TENT5D: variants seen among roughly 807,000 people sequenced by gnomAD.
TENT5D encodes cancer/testis antigen 112.
For missense variants in TENT5D, 191 were observed against 287.0 expected, an observed-to-expected ratio of 0.67 and a Z score of 2.42; for synonymous variants, 103 against 100.6, an observed-to-expected ratio of 1.02 and a Z score of -0.15.
chrX:80,403,285 AAATG>A (rs1338374995), intron 3 of TENT5D, among the ~76,000 whole-genome samples: 1 of 112,436 alleles, frequency 8.9e-6, no homozygotes, highest in Non-Finnish European at 1.9e-5. Flanking sequence ...AGGTTTAAAA[AAATG>A]AATCTTACAC....
intron 3 of TENT5D, among the ~76,000 whole-genome samples, chrX:80,369,914 A>ATTTATT (rs1304207976): frequency 1.8e-5 from 2 of 109,940 alleles, no homozygotes; most frequent in Non-Finnish European, 3.8e-5. Context: ...ATAAGCATTT[A>ATTTATT]TTTATTTTTA....
intron 3 of TENT5D, among the ~76,000 whole-genome samples, chrX:80,408,317 G>A (rs1433445981): frequency 9.2e-6 from 1 of 108,198 alleles, no homozygotes; most frequent in East Asian, 2.9e-4. Flanking sequence ...CCAGGAGCTG[G>A]TTTTTTGAAA....
intron 3 of TENT5D, among the ~76,000 whole-genome samples, chrX:80,343,686 C>T (rs1930005612): frequency 9.0e-6 from 1 of 111,405 alleles, no homozygotes; most frequent in Non-Finnish European, 1.9e-5. Flanking sequence ...AGGCATGAGC[C>T]ACCGCGCCTG....
At chrX:80,385,281 A>G (rs755849405) in intron 3 of TENT5D, among the ~76,000 whole-genome samples, 2 of 111,350 alleles carry the variant, frequency 1.8e-5, no homozygotes, top group South Asian at 7.6e-4. Flanking sequence ...ATCTACAACT[A>G]TCTGATCCTT....
At chrX:80,376,414 G>T (rs1289232275) in intron 3 of TENT5D, among the ~76,000 whole-genome samples, 1 of 110,585 alleles carries the variant, frequency 9.0e-6, no homozygotes, top group Non-Finnish European at 1.9e-5. Flanking sequence ...TTTTTCTTTA[G>T]CATGTTACTT....
intron 3 of TENT5D, among the ~76,000 whole-genome samples, chrX:80,359,056 C>T (rs1930349225): frequency 8.9e-6 from 1 of 112,117 alleles, no homozygotes; most frequent in African/African-American, 3.2e-5. Flanking sequence ...TGAAAAAAAG[C>T]TCATCATCAC....
upstream of TENT5D, among the ~76,000 whole-genome samples, chrX:80,419,881 C>A (rs1931850936): frequency 9.0e-6 from 1 of 110,904 alleles, no homozygotes; most frequent in Non-Finnish European, 1.9e-5. Flanking sequence ...GAGCTAATTT[C>A]TTTTTATATT....
At chrX:80,354,207 A>G (rs1277183619) in intron 3 of TENT5D, among the ~76,000 whole-genome samples, 1 of 111,470 alleles carries the variant, frequency 9.0e-6, no homozygotes, top group East Asian at 2.8e-4. Context: ...CTTGTATGGT[A>G]TCTCACAGGG....
At chrX:80,377,537 C>T (rs2147529391) in intron 3 of TENT5D, among the ~76,000 whole-genome samples, 1 of 111,623 alleles carries the variant, frequency 9.0e-6, no homozygotes, top group Non-Finnish European at 1.9e-5. Context: ...TTTCCAGCTT[C>T]ATCCATGTCC....
chrX:80,358,018 T>A (rs762848095), intron 3 of TENT5D, among the ~76,000 whole-genome samples: 12 of 111,188 alleles, frequency 1.1e-4, no homozygotes, highest in Non-Finnish European at 1.9e-5. Context: ...TCACATATCT[T>A]CAACTATCTG....
At chrX:80,415,138 T>C (rs1931743549) in intron 3 of TENT5D, among the ~76,000 whole-genome samples, 1 of 111,828 alleles carries the variant, frequency 8.9e-6, no homozygotes, top group African/African-American at 3.3e-5. Flanking sequence ...CATACATTAG[T>C]TTTGTATCCT....
At chrX:80,372,592 A>G (rs1039503032) in intron 3 of TENT5D, among the ~76,000 whole-genome samples, 4 of 110,959 alleles carry the variant, frequency 3.6e-5, no homozygotes, top group Non-Finnish European at 7.5e-5. Context: ...ATCTCATAAA[A>G]AGTATTAGGT....
intron 3 of TENT5D, among the ~76,000 whole-genome samples, chrX:80,392,912 A>C (rs1483161218): frequency 9.0e-6 from 1 of 111,367 alleles, no homozygotes; most frequent in African/African-American, 3.3e-5. Context: ...ACATGATAAA[A>C]ACTCTTATTT....
At chrX:80,388,930 C>A (rs1024428611) in intron 3 of TENT5D, among the ~76,000 whole-genome samples, 1 of 111,648 alleles carries the variant, frequency 9.0e-6, no homozygotes, top group Non-Finnish European at 1.9e-5. Flanking sequence ...CTAGGATGGA[C>A]AATTTCCATC....
Position 80,392,495 on chromosome X carries a change from C to CTTTTTTTTTTTTTT in TENT5D, c.-141-46096_-141-46083dup, listed in dbSNP as rs72029455. On this transcript the variant is annotated intron_variant, in intron 3 of 4. Transcript: ENST00000538312. ...TTTATAGCTTTATTCTCATTTTATT[C>CTTTTTTTTTTTTTT]TTTTTTTTTTTTTTTTTTTTTTTTT... Among the ~76,000 whole-genome samples, 10 of 24,303 alleles carry CTTTTTTTTTTTTTT rather than the reference C, an allele frequency of 4.1e-4. 3 individuals carry two copies. Among genetic ancestry groups the CTTTTTTTTTTTTTT allele is most frequent in the African/African-American group, 1.6e-3 (8 of 5,008 alleles). The allele number at this position is 24,303 out of a possible 115,157, so 21.1% of individuals were successfully genotyped here. A position where few individuals can be genotyped will look rare whatever the true frequency, so the allele number is the denominator to read the frequency against.
chrX:80,394,393 T>A (rs1476127975), intron 3 of TENT5D, among the ~76,000 whole-genome samples: 1 of 87,616 alleles, frequency 1.1e-5, no homozygotes, highest in Non-Finnish European at 2.2e-5. Context: ...GTCCTTTCCT[T>A]TTTTTTTTTT....
Position 80,354,985 on chromosome X carries a change from AG to A in TENT5D, c.-142+12422del, listed in dbSNP as rs201123004. Among the ~76,000 whole-genome samples the A allele has an allele frequency of 7.0e-3, 781 of 111,961 alleles. 4 individuals are homozygous for A. Among genetic ancestry groups the A allele is most frequent in the Non-Finnish European group, 0.011 (591 of 53,205 alleles). Reference sequence around the variant, plus strand: ...CTTTCAGGGGGCAAGTGCTCAGCTCAGCACAGCACACCTGGGCCATTTGTTC... The same window carrying A: ...CTTTCAGGGGGCAAGTGCTCAGCTCACACAGCACACCTGGGCCATTTGTTC... On this transcript the variant is annotated intron_variant, in intron 3 of 4. Transcript: ENST00000538312.
intron 1 of TENT5D, among the ~76,000 whole-genome samples, chrX:80,423,619 G>A (rs1931929958): frequency 9.1e-6 from 1 of 110,368 alleles, no homozygotes; most frequent in Admixed American, 9.7e-5. Flanking sequence ...GTGAAAGCTT[G>A]GCCAAAGACC....
At chrX:80,443,809 G>C (rs1932336569) in exon 3 of TENT5D, 5 of 774,132 alleles carry the variant, frequency 6.5e-6, no homozygotes, top group Non-Finnish European at 9.0e-6. Context: ...TTTTTGTACA[G>C]TTACCAATTA....
Sources: allele counts gnomAD v4.1 joint callset (sites outside exome capture counted in the v4.1 genomes callset), GRCh38; gene constraint gnomAD v4.1.1; transcripts MANE v1.5; gene names NCBI Gene and HGNC (gene_info 2026-07-23, HGNC 2026-07-21).